CSMD1: variants seen among roughly 807,000 people sequenced by gnomAD.
CSMD1 encodes the protein CUB and Sushi multiple domains 1.
A neutral mutation model predicts 417.5 loss-of-function variants in CSMD1; 213 were observed. The observed-to-expected ratio is 0.51, with a 90% CI of 0.46 to 0.57. The LOEUF is 0.57. Among genes scored for constraint, CSMD1 ranks in the 20% least tolerant of loss-of-function variants. The pLI is 0.00. For missense variants in CSMD1, 6,923 were observed against 4,529.7 expected (o/e 1.53, Z -15.17); for synonymous variants, 2,862 against 1,736.8 (o/e 1.65, Z -16.11).
intron 25 of CSMD1, among the ~76,000 whole-genome samples, chr8:3,293,435 C>T (rs1256599887): frequency 2.0e-5 from 3 of 152,186 alleles, no homozygotes; most frequent in African/African-American, 4.8e-5. Context: ...CAACTTGGTT[C>T]CATTCTCCCT....
intron 5 of CSMD1, among the ~76,000 whole-genome samples, chr8:3,983,801 G>C (rs2930381): frequency 6.6e-6 from 1 of 152,080 alleles, no homozygotes; most frequent in East Asian, 1.9e-4. Context: ...TTCTGATGGG[G>C]CTGTCAAATG....
chr8:4,569,237 G>T (rs180800051), intron 2 of CSMD1, among the ~76,000 whole-genome samples: 3 of 152,134 alleles, frequency 2.0e-5, no homozygotes, highest in Non-Finnish European at 4.4e-5. Flanking sequence ...GTCCTGAATG[G>T]TATTGCCTAG....
At chr8:3,141,890 C>T (rs564488236) in intron 41 of CSMD1, among the ~76,000 whole-genome samples, 80 of 151,886 alleles carry the variant, frequency 5.3e-4, no homozygotes, top group Non-Finnish European at 7.5e-4. Context: ...CTCCGCCTCC[C>T]GGGTTCACGC....
chr8:3,866,263 T>C (rs1433852131), intron 5 of CSMD1, among the ~76,000 whole-genome samples: 1 of 152,220 alleles, frequency 6.6e-6, no homozygotes, highest in South Asian at 2.1e-4. Context: ...TAATTACCTA[T>C]AAACAACATT....
At position 4,503,744 on chromosome 8, in the gene CSMD1, G is replaced by A. The variant is rs139169540; in HGVS notation, c.303-83679C>T. 8.2e-4 allele frequency among the ~76,000 whole-genome samples: 124 copies of A among 152,120 alleles called. 1 individual carries two copies. In the East Asian group the frequency reaches 0.018, roughly 22 times the overall value. On this transcript the variant is annotated intron_variant, in intron 2 of 69. Coordinates refer to ENST00000635120, the MANE Select transcript of CSMD1 (RefSeq NM_033225.6). ...TTAGGGGACAGAAATGGGGAGATTC[G>A]GGAAGCTGGTCTGTCCTATGTCTCG... is the stretch of plus-strand genomic sequence containing the variant.
chr8:4,615,812 C>T (rs904930350), intron 2 of CSMD1, among the ~76,000 whole-genome samples: 4 of 152,092 alleles, frequency 2.6e-5, no homozygotes, highest in African/African-American at 4.8e-5. Flanking sequence ...CCATCTTATT[C>T]CTGATAATCT....
In CSMD1 at chr8:4,357,467, C is replaced by A. The variant is rs113251502; in HGVS notation, c.415+62486G>T. Reference sequence around the variant, plus strand: ...TCACCTCCAAGATACTTCTCTCCTACCATCGCCCTCACCAACATGGCATTA... The same window carrying A: ...TCACCTCCAAGATACTTCTCTCCTAACATCGCCCTCACCAACATGGCATTA... On this transcript the variant is annotated intron_variant, in intron 3 of 69. Coordinates refer to ENST00000635120, the MANE Select transcript of CSMD1 (RefSeq NM_033225.6). Among the ~76,000 whole-genome samples, 70 of 152,268 alleles carry A rather than the reference C, an allele frequency of 4.6e-4. 1 individual carries two copies. Among genetic ancestry groups the A allele is most frequent in the African/African-American group, 1.4e-3 (59 of 41,566 alleles).
chr8:3,831,275 G>A (rs11778973), intron 5 of CSMD1, among the ~76,000 whole-genome samples: 46,696 of 151,992 alleles, frequency 0.31, 7,615 homozygotes, highest in East Asian at 0.55. Context: ...ATTCCTGCTC[G>A]TCAGGGGAGC....
At chr8:4,214,345 T>G (rs1301061076) in intron 3 of CSMD1, among the ~76,000 whole-genome samples, 3 of 152,214 alleles carry the variant, frequency 2.0e-5, no homozygotes, top group South Asian at 2.1e-4. Context: ...TCACTGAGGC[T>G]GGAGTGCAGT....
chr8:2,972,239 A>C (rs1431420012), intron 57 of CSMD1, among the ~76,000 whole-genome samples: 3 of 152,182 alleles, frequency 2.0e-5, no homozygotes, highest in Admixed American at 6.5e-5. Flanking sequence ...AAGGACAATA[A>C]ATGAAGATTA....
intron 3 of CSMD1, among the ~76,000 whole-genome samples, chr8:4,265,202 G>A (rs1421490649): frequency 6.6e-6 from 1 of 151,940 alleles, no homozygotes; most frequent in East Asian, 1.9e-4. Flanking sequence ...AAGTGTAACA[G>A]TATTTAAAAA....
intron 2 of CSMD1, among the ~76,000 whole-genome samples, chr8:4,564,253 A>G (rs1226494563): frequency 6.6e-6 from 1 of 152,210 alleles, no homozygotes; most frequent in African/African-American, 2.4e-5. Context: ...ATCCTTACAG[A>G]TAACAGTTTT....
chr8:3,165,410 A>C (rs992138468), intron 37 of CSMD1, among the ~76,000 whole-genome samples: 12 of 151,744 alleles, frequency 7.9e-5, no homozygotes, highest in African/African-American at 1.5e-4. Context: ...AGTGGTTTTT[A>C]ATTTTTATTT....
At position 3,692,040 on chromosome 8, in the gene CSMD1, C is replaced by G. The variant is rs191495857; in HGVS notation, c.1009+16374G>C. Among the ~76,000 whole-genome samples, 12 of 152,324 alleles carry G rather than the reference C, an allele frequency of 7.9e-5. No homozygotes were observed. In the East Asian group the frequency reaches 2.3e-3, roughly 29 times the overall value. On this transcript the variant is annotated intron_variant, in intron 7 of 69. Transcript: ENST00000635120. The stretch of plus-strand genomic sequence containing the variant: ...TCTCATCATCAGCAGAGCCGTCACT[C>G]AGCGATCTGCCTGCTCCGGGTGAGA...
In CSMD1 at chr8:3,443,440, G is replaced by T. The variant is rs532404097; in HGVS notation, c.1561+25272C>A. 5.9e-5 allele frequency among the ~76,000 whole-genome samples: 9 copies of T among 152,272 alleles called. No individual in the cohort carries two copies. In the South Asian group the frequency reaches 1.9e-3, roughly 32 times the overall value. On this transcript the variant is annotated intron_variant, in intron 12 of 69. Transcript: ENST00000635120. ...AAACACATTACTGCTTACCCAATTT[G>T]GGAGGCGGGTTGACACAAACATCTA...
rs1268070924 is a variant in CSMD1, at chr8:3,396,258, G to T, written c.2529C>A (p.Phe843Leu). ...APQFLISTGN[F>L]MYLLFTTDNS... ...TGTCAGTGGTGAACAGCAGGTACAT[G>T]AAGTTCCCGGTGCTGATGAGGAACT... The change falls in exon 17 of 70, where the codon TTC becomes TTA. Residue 843 changes from phenylalanine to leucine, a missense_variant. Transcript: ENST00000635120. The T allele has an allele frequency of 1.9e-6, 3 of 1,585,214 alleles. No individual in the cohort carries two copies. Among genetic ancestry groups the T allele is most frequent in the Non-Finnish European group, 2.6e-6 (3 of 1,165,490 alleles).
intron 3 of CSMD1, among the ~76,000 whole-genome samples, chr8:4,342,605 A>G (rs1800544282): frequency 1.3e-5 from 2 of 151,996 alleles, no homozygotes; most frequent in Non-Finnish European, 2.9e-5. Context: ...GAAAAAAAAG[A>G]TGGTAATATG....
At chr8:3,388,784 C>G (rs1195163193) in intron 17 of CSMD1, among the ~76,000 whole-genome samples, 1 of 152,172 alleles carries the variant, frequency 6.6e-6, no homozygotes, top group Non-Finnish European at 1.5e-5. Flanking sequence ...CCTTCCAACT[C>G]TGGAGGAGCT....
chr8:4,652,875 T>G (rs543811828), intron 1 of CSMD1, among the ~76,000 whole-genome samples: 35 of 152,186 alleles, frequency 2.3e-4, no homozygotes, highest in African/African-American at 7.7e-4. Context: ...ATAGGGTTCA[T>G]GCTCCTGTAA....
Sources: gnomAD v4.1 joint callset for allele counts (sites outside exome capture counted in the v4.1 genomes callset) on GRCh38, gnomAD v4.1.1 for gene constraint, MANE v1.5 for transcripts, NCBI Gene and HGNC (gene_info 2026-07-23, HGNC 2026-07-21) for gene names.